Variants in SH3KBP1 observed in about 807,000 individuals in gnomAD.
SH3KBP1 encodes SH3 domain containing kinase binding protein 1.
In SH3KBP1, 8 loss-of-function variants were observed where a neutral mutation model predicts 50.1. The observed-to-expected ratio is 0.16, with a 90% CI of 0.09 to 0.29. SH3KBP1 has a LOEUF of 0.29. Among genes scored for constraint, SH3KBP1 ranks in the 10% least tolerant of loss-of-function variants. SH3KBP1 has a pLI of 1.00. For synonymous variants in SH3KBP1, 227 were observed against 218.6 expected (o/e 1.04, Z -0.34); for missense variants, 377 against 535.2 (o/e 0.70, Z 2.92).
chrX:19,684,170 G>A (rs2063118746), intron 5 of SH3KBP1, 142 bp from the exon 6 acceptor site: 1 of 461,575 alleles, frequency 2.2e-6, no homozygotes. Context: ...TATTCAGTAT[G>A]TTGAGTAGTT....
chrX:19,781,370 C>T (rs1814097048), intron 2 of SH3KBP1, among the ~76,000 whole-genome samples: 1 of 110,928 alleles, frequency 9.0e-6, no homozygotes, highest in Non-Finnish European at 1.9e-5. Flanking sequence ...GCAATCTCAG[C>T]ACTTTGGGAG....
intron 8 of SH3KBP1, among the ~76,000 whole-genome samples, chrX:19,621,121 CTGG>C (rs2067814223): frequency 1.1e-5 from 1 of 93,687 alleles, no homozygotes; most frequent in Non-Finnish European, 2.1e-5. Flanking sequence ...GTTGCCCAGG[CTGG>C]AGTGCAGTGG....
intron 15 of SH3KBP1, among the ~76,000 whole-genome samples, chrX:19,545,598 C>T (rs1298275941): frequency 1.8e-5 from 2 of 111,905 alleles, no homozygotes; most frequent in Admixed American, 1.9e-4. Context: ...TCTCTCTAGA[C>T]GTCTCACGGC....
intron 3 of SH3KBP1, among the ~76,000 whole-genome samples, chrX:19,723,660 T>C (rs1382418714): frequency 8.9e-6 from 1 of 112,576 alleles, no homozygotes; most frequent in Non-Finnish European, 1.9e-5. Context: ...TGTGACTCTT[T>C]ACACCATGAC....
chrX:19,798,251 A>AT (rs771074767), intron 2 of SH3KBP1, among the ~76,000 whole-genome samples: 21 of 107,293 alleles, frequency 2.0e-4, no homozygotes, highest in East Asian at 1.5e-3. Context: ...TTCCTGGCTA[A>AT]TTTTTTTTTA....
intron 1 of SH3KBP1, among the ~76,000 whole-genome samples, chrX:19,878,505 TGAGAGA>T (rs57445899): frequency 0.19 from 9,099 of 47,611 alleles, 541 homozygotes; most frequent in Non-Finnish European, 0.24. Flanking sequence ...TGTGTGTGTG[TGAGAGA>T]GAGAGAGAGA....
At chrX:19,838,886 C>CAA (rs1187740894) in intron 1 of SH3KBP1, among the ~76,000 whole-genome samples, 82 of 29,981 alleles carry the variant, frequency 2.7e-3, no homozygotes, top group South Asian at 5.4e-3. Flanking sequence ...AACTTTGTCT[C>CAA]AAAAAAAAAA....
chrX:19,748,558 G>T (rs1434533381), intron 2 of SH3KBP1, among the ~76,000 whole-genome samples: 1 of 112,004 alleles, frequency 8.9e-6, no homozygotes, highest in Non-Finnish European at 1.9e-5. Flanking sequence ...CCCAGTAATT[G>T]TTCACATTTG....
intron 3 of SH3KBP1, among the ~76,000 whole-genome samples, chrX:19,724,877 C>T (rs2064175199): frequency 9.0e-6 from 1 of 111,508 alleles, no homozygotes; most frequent in South Asian, 3.8e-4. Context: ...CCAATAACAA[C>T]CATGAGAGAG....
At chrX:19,602,916 G>A (rs1348306378) in intron 9 of SH3KBP1, among the ~76,000 whole-genome samples, 1 of 111,625 alleles carries the variant, frequency 9.0e-6, no homozygotes, top group Non-Finnish European at 1.9e-5. Flanking sequence ...TGTGGGAATC[G>A]AGCAAGAGAC....
At chrX:19,819,949 T>C (rs2067476567) in intron 2 of SH3KBP1, among the ~76,000 whole-genome samples, 1 of 111,955 alleles carries the variant, frequency 8.9e-6, no homozygotes. Flanking sequence ...TTTAATCTTT[T>C]TGAGACTTCT....
At chrX:19,613,885 C>T (rs1414962987) in intron 8 of SH3KBP1, among the ~76,000 whole-genome samples, 1 of 112,562 alleles carries the variant, frequency 8.9e-6, no homozygotes, top group Non-Finnish European at 1.9e-5. Context: ...CTCCCTGGAT[C>T]TCGGTTTCCT....
intron 2 of SH3KBP1, among the ~76,000 whole-genome samples, chrX:19,798,900 C>T (rs2066805979): frequency 1.8e-5 from 2 of 112,118 alleles, no homozygotes; most frequent in Non-Finnish European, 1.9e-5. Flanking sequence ...AGTAGTCCTG[C>T]GAGGTGGTAG....
intron 3 of SH3KBP1, among the ~76,000 whole-genome samples, chrX:19,735,573 T>C (rs1222346540): frequency 9.1e-6 from 1 of 110,393 alleles, no homozygotes; most frequent in African/African-American, 3.3e-5. Flanking sequence ...GCTCATTGGT[T>C]ATTTAGGAGC....
intron 9 of SH3KBP1, among the ~76,000 whole-genome samples, chrX:19,603,668 T>C (rs748706180): frequency 1.8e-5 from 2 of 112,321 alleles, no homozygotes; most frequent in East Asian, 5.6e-4. Context: ...GAACAGTTTC[T>C]CTTAAAAGAA....
intron 12 of SH3KBP1, among the ~76,000 whole-genome samples, chrX:19,581,504 T>C (rs1333975998): frequency 8.9e-6 from 1 of 111,807 alleles, no homozygotes; most frequent in African/African-American, 3.3e-5. Flanking sequence ...AATGGATTGA[T>C]TAGTTTATGC....
chrX:19,580,810 C>T lies in SH3KBP1; in HGVS notation c.1298+7833G>A, dbSNP rs764885313. ...CTCCTAGGCCTTCCTCCACCCTGTA[C>T]GCAGTGATTTTCCCTGCTGCTGTCT... On this transcript the variant is annotated intron_variant, in intron 12 of 17. Transcript: ENST00000397821. 4.5e-5 allele frequency among the ~76,000 whole-genome samples: 5 copies of T among 111,299 alleles called. No individual in the cohort carries two copies. In the East Asian group the frequency reaches 1.1e-3, roughly 25 times the overall value.
chrX:19,763,737 G>A (rs181492244), intron 2 of SH3KBP1, among the ~76,000 whole-genome samples: 2 of 111,749 alleles, frequency 1.8e-5, no homozygotes, highest in East Asian at 5.6e-4. Flanking sequence ...AAAGTACAAA[G>A]TAGGCCGGGC....
At chrX:19,736,984 G>A (rs2064602693) in intron 3 of SH3KBP1, among the ~76,000 whole-genome samples, 1 of 104,365 alleles carries the variant, frequency 9.6e-6, no homozygotes, top group African/African-American at 3.5e-5. Context: ...TCAGCTCACT[G>A]CAACCTTCAC....
Sources: gnomAD v4.1 joint callset for allele counts (sites outside exome capture counted in the v4.1 genomes callset) on GRCh38, gnomAD v4.1.1 for gene constraint, MANE v1.5 for transcripts, NCBI Gene and HGNC (gene_info 2026-07-23, HGNC 2026-07-21) for gene names.